PDE4D: variants seen among roughly 807,000 people sequenced by gnomAD.
PDE4D encodes 3',5'-cyclic-AMP phosphodiesterase 4D.
In PDE4D, 24 loss-of-function variants were observed where a neutral mutation model predicts 87.4. That is an observed-to-expected ratio of 0.27 (90% CI 0.20 to 0.39). The LOEUF (loss-of-function observed/expected upper bound fraction) is 0.39. PDE4D is among the 10% of genes least tolerant of loss of function. The pLI is 1.00. For synonymous variants in PDE4D, 384 were observed against 383.2 expected (o/e 1.00, Z -0.02); for missense variants, 714 against 1,041.0 (o/e 0.69, Z 4.32).
At chr5:59,725,404 T>C (rs1361676345) in intron 1 of PDE4D, among the ~76,000 whole-genome samples, 2 of 152,116 alleles carry the variant, frequency 1.3e-5, no homozygotes, top group South Asian at 2.1e-4. Context: ...TTCAGTGACT[T>C]TTTGTTGAAT....
At chr5:59,427,292 T>TAC (rs60646746) in intron 1 of PDE4D, among the ~76,000 whole-genome samples, 30,334 of 132,066 alleles carry the variant, frequency 0.23, 3,616 homozygotes, top group Admixed American at 0.3. Context: ...AGTGATTTTA[T>TAC]ACACACACAC....
chr5:59,281,339 T>C (rs187099512), intron 1 of PDE4D, among the ~76,000 whole-genome samples: 20 of 152,252 alleles, frequency 1.3e-4, no homozygotes, highest in Non-Finnish European at 1.2e-4. Context: ...TTTCTGTTTT[T>C]TGTACTAATT....
In PDE4D at chr5:58,975,866, T is replaced by C; in HGVS notation, c.1831-27A>G. On this transcript the variant is annotated intron_variant, in intron 13 of 14. Coordinates refer to ENST00000340635, the MANE Select transcript of PDE4D (RefSeq NM_001104631.2). This position sits in a 1 kb window ranked among gnomAD's most constrained non-coding sequence, Gnocchi z 4.2. ...TAAAATAGATGGATGCATTCTCTAT[T>C]CACTCCTGTTCCTTTTTTTTAAAAA... 7.3e-7 allele frequency: 1 copy of C among 1,372,616 alleles called. No homozygotes were observed. The highest frequency in any genetic ancestry group is 9.5e-7 in the Non-Finnish European group (1 of 1,048,102). The allele number at this position is 1,372,616 out of a possible 1,614,324, so 85.0% of individuals were successfully genotyped here.
chr5:59,928,515 T>C (rs189403975), intron 3 of PDE4D, among the ~76,000 whole-genome samples: 291 of 151,310 alleles, frequency 1.9e-3, no homozygotes, highest in Middle Eastern at 6.8e-3. Flanking sequence ...GCGGTGGAGG[T>C]CGCAGTGAGC....
At chr5:60,227,529 G>C (rs1745260089) in intron 1 of PDE4D, among the ~76,000 whole-genome samples, 3 of 149,562 alleles carry the variant, frequency 2.0e-5, no homozygotes. Flanking sequence ...GTAGAAGGGA[G>C]GGAAGGGAGG....
intron 2 of PDE4D, among the ~76,000 whole-genome samples, chr5:59,213,365 T>C (rs1750513984): frequency 6.6e-6 from 1 of 152,064 alleles, no homozygotes; most frequent in South Asian, 2.1e-4. Context: ...TCTCACTATG[T>C]TGCCAAGGCA....
At chr5:59,144,142 T>C (rs551387211) in intron 5 of PDE4D, among the ~76,000 whole-genome samples, 41 of 152,330 alleles carry the variant, frequency 2.7e-4, no homozygotes, top group Non-Finnish European at 5.6e-4. Flanking sequence ...AGTCTAATTT[T>C]CTATTGTTAA....
chr5:59,588,221 A>AAATG (rs1825467129), intron 1 of PDE4D, among the ~76,000 whole-genome samples: 1 of 152,186 alleles, frequency 6.6e-6, no homozygotes, highest in East Asian at 1.9e-4. Context: ...AATCCCTATC[A>AAATG]CTGATGTTTT....
At chr5:58,978,528 A>ATATC (rs1424472389) in intron 11 of PDE4D, among the ~76,000 whole-genome samples, 1 of 152,236 alleles carries the variant, frequency 6.6e-6, no homozygotes, top group Non-Finnish European at 1.5e-5. Flanking sequence ...TTGGAAATAT[A>ATATC]TATCTTTTTT....
chr5:60,091,819 G>C (rs973475353), intron 2 of PDE4D, among the ~76,000 whole-genome samples: 2 of 151,980 alleles, frequency 1.3e-5, no homozygotes, highest in Admixed American at 6.6e-5. Flanking sequence ...TTGGGAGGCC[G>C]AGACAGGCGG....
chr5:59,612,663 C>A (rs1829157195), intron 1 of PDE4D, among the ~76,000 whole-genome samples: 1 of 151,940 alleles, frequency 6.6e-6, no homozygotes, highest in Admixed American at 6.6e-5. Flanking sequence ...ATGGGGAATG[C>A]CAGGAACAGG....
intron 1 of PDE4D, among the ~76,000 whole-genome samples, chr5:59,393,880 T>C (rs1788751392): frequency 1.3e-5 from 2 of 152,230 alleles, no homozygotes; most frequent in South Asian, 4.1e-4. Flanking sequence ...TCAGAAATAA[T>C]CTTTTTAATT....
intron 1 of PDE4D, among the ~76,000 whole-genome samples, chr5:60,410,413 T>C (rs1741949297): frequency 6.6e-6 from 1 of 152,140 alleles, no homozygotes; most frequent in African/African-American, 2.4e-5. Context: ...TCTGAAAGTC[T>C]GAGCACCTTT....
At chr5:58,992,763 G>C (rs1748207823) in intron 7 of PDE4D, among the ~76,000 whole-genome samples, 1 of 152,154 alleles carries the variant, frequency 6.6e-6, no homozygotes. Context: ...TATTCTAAGT[G>C]TTTAATAAAT....
intron 1 of PDE4D, among the ~76,000 whole-genome samples, chr5:59,757,863 A>G (rs1761472942): frequency 6.6e-6 from 1 of 152,198 alleles, no homozygotes; most frequent in Admixed American, 6.5e-5. Flanking sequence ...TTCACCAAGG[A>G]CATATATTTC....
chr5:60,257,674 A>G (rs1562264872), intron 1 of PDE4D, among the ~76,000 whole-genome samples: 2 of 151,968 alleles, frequency 1.3e-5, no homozygotes, highest in African/African-American at 4.8e-5. Context: ...CACTTCTGCC[A>G]GTAGATGCTG....
intron 10 of PDE4D, among the ~76,000 whole-genome samples, chr5:58,989,289 T>A (rs759046101): frequency 4.6e-5 from 7 of 152,176 alleles, no homozygotes; most frequent in Non-Finnish European, 1.0e-4. Flanking sequence ...ATATATTTCT[T>A]AAGAAAATCA....
chr5:59,890,254 T>TACACACACAC lies in PDE4D; in HGVS notation c.455+2904_455+2913dup, dbSNP rs56258601. Among the ~76,000 whole-genome samples, 44 of 145,454 alleles carry TACACACACAC rather than the reference T, an allele frequency of 3.0e-4. No individual in the cohort carries two copies. In the South Asian group the frequency reaches 5.9e-3, roughly 19 times the overall value. ...TGATGGTAAGATGGTGGTGCGCACG[T>TACACACACAC]ACACACACACACACACACACACACA... is the stretch of plus-strand genomic sequence containing the variant. On this transcript the variant is annotated intron_variant, in intron 1 of 14. Coordinates refer to ENST00000340635, the MANE Select transcript of PDE4D (RefSeq NM_001104631.2).
At chr5:59,598,995 T>C (rs1233481835) in intron 1 of PDE4D, among the ~76,000 whole-genome samples, 6 of 152,114 alleles carry the variant, frequency 3.9e-5, no homozygotes, top group Non-Finnish European at 8.8e-5. Context: ...GCACATCTCT[T>C]TTGGGATCCA....
Sources: allele counts gnomAD v4.1 joint callset (sites outside exome capture counted in the v4.1 genomes callset), GRCh38; gene constraint gnomAD v4.1.1; non-coding constraint Gnocchi (gnomAD v3.1); transcripts MANE v1.5; gene names NCBI Gene and HGNC (gene_info 2026-07-23, HGNC 2026-07-21).